The following PTBP3 variants were observed in gnomAD, a reference collection of about 807,000 sequenced individuals.
The protein encoded by PTBP3 is polypyrimidine tract binding protein 3.
Under a neutral mutation model 58.7 loss-of-function variants are expected in PTBP3, and 20 were observed. The observed-to-expected ratio is 0.34, with a 90% CI of 0.24 to 0.50. PTBP3 has a LOEUF of 0.50. Ranked by LOEUF, PTBP3 falls within the 20% of genes least tolerant of loss-of-function variation. The probability of loss-of-function intolerance (pLI) is 0.98; values close to 1 mark genes in which losing one functional copy is unlikely to be tolerated. For synonymous variants in PTBP3, 185 were observed against 219.8 expected, an observed-to-expected ratio of 0.84 and a Z score of 1.40; for missense variants, 509 against 637.2, an observed-to-expected ratio of 0.80 and a Z score of 2.17.
chr9:112,300,836 C>T (rs1456518638), intron 1 of PTBP3, among the ~76,000 whole-genome samples: 1 of 152,032 alleles, frequency 6.6e-6, no homozygotes, highest in South Asian at 2.1e-4. Context: ...GTGGCTCACA[C>T]CTGTATTCCC....
chr9:112,247,552 CAA>C (rs55882131), intron 7 of PTBP3, among the ~76,000 whole-genome samples: 177 of 138,018 alleles, frequency 1.3e-3, no homozygotes, highest in Non-Finnish European at 1.9e-3. Context: ...AAAAAAATGA[CAA>C]AAAAAAAAAA....
the PTBP3 span, among the ~76,000 whole-genome samples, chr9:112,350,581 G>A: frequency 5.4e-3 from 817 of 152,080 alleles, 5 homozygotes; most frequent in African/African-American, 0.019. Flanking sequence ...CAAAATTTCC[G>A]GGGAAGATGG....
intron 7 of PTBP3, among the ~76,000 whole-genome samples, chr9:112,244,658 ACTGAGCAAAACC>A (rs1409800000): frequency 4.1e-4 from 62 of 152,132 alleles, no homozygotes; most frequent in African/African-American, 1.3e-3. Flanking sequence ...AGCCTAGGCG[ACTGAGCAAAACC>A]CTGTCTCAAA....
At chr9:112,376,256 T>TTG in the PTBP3 span, among the ~76,000 whole-genome samples, 1 of 134,334 alleles carries the variant, frequency 7.4e-6, no homozygotes, top group Non-Finnish European at 1.6e-5. Context: ...TATTAAGTTT[T>TTG]TTTTTTTTTT....
At chr9:112,355,722 G>T in the PTBP3 span, among the ~76,000 whole-genome samples, 6 of 151,534 alleles carry the variant, frequency 4.0e-5, no homozygotes, top group Admixed American at 3.9e-4. Flanking sequence ...GACCTCCTGG[G>T]TTCAAGCAAT....
intron 7 of PTBP3, among the ~76,000 whole-genome samples, chr9:112,246,315 T>C (rs1835874709): frequency 6.6e-6 from 1 of 151,892 alleles, no homozygotes; most frequent in South Asian, 2.1e-4. Flanking sequence ...AAATGCTAGC[T>C]AATAAAGGTA....
At chr9:112,243,333 G>A (rs1240663950) in intron 7 of PTBP3, among the ~76,000 whole-genome samples, 1 of 152,104 alleles carries the variant, frequency 6.6e-6, no homozygotes, top group South Asian at 2.1e-4. Context: ...TTGAGGTGAG[G>A]CATTTGAGAC....
chr9:112,352,816 CTTT>C, the PTBP3 span, among the ~76,000 whole-genome samples: 2 of 152,054 alleles, frequency 1.3e-5, no homozygotes, highest in East Asian at 3.8e-4. Flanking sequence ...GTTGAAATTT[CTTT>C]TTTGGTTCTG....
chr9:112,300,871 G>C (rs1453573796), intron 1 of PTBP3, among the ~76,000 whole-genome samples: 2 of 152,158 alleles, frequency 1.3e-5, no homozygotes, highest in Non-Finnish European at 2.9e-5. Flanking sequence ...CAAGGAGGGA[G>C]GATCACTTGA....
intron 7 of PTBP3, among the ~76,000 whole-genome samples, chr9:112,249,538 T>G (rs1406938936): frequency 6.6e-6 from 1 of 152,100 alleles, no homozygotes; most frequent in African/African-American, 2.4e-5. Context: ...TAGAGAAACT[T>G]TCACACAATA....
chr9:112,376,702 G>C, the PTBP3 span, among the ~76,000 whole-genome samples: 1 of 152,132 alleles, frequency 6.6e-6, no homozygotes, highest in Admixed American at 6.5e-5. Context: ...AAGGATGTAG[G>C]CTGGGAGGCT....
chr9:112,293,334 T>C (rs1240404930), intron 2 of PTBP3, among the ~76,000 whole-genome samples: 1 of 152,216 alleles, frequency 6.6e-6, no homozygotes, highest in African/African-American at 2.4e-5. Context: ...CATAATGTTA[T>C]GGTAACAGTA....
chr9:112,312,485 T>G (rs1439583748), intron 1 of PTBP3, among the ~76,000 whole-genome samples: 16 of 52,218 alleles, frequency 3.1e-4, no homozygotes, highest in African/African-American at 1.2e-3. Flanking sequence ...TGTTTTTTTT[T>G]TTGTTTTTTT....
chr9:112,318,866 G>A (rs1384142012), intron 1 of PTBP3, among the ~76,000 whole-genome samples: 2 of 151,358 alleles, frequency 1.3e-5, no homozygotes, highest in Non-Finnish European at 2.9e-5. Flanking sequence ...AGTGGCTCAC[G>A]CCTGTAATCC....
chr9:112,374,575 A>G, the PTBP3 span, among the ~76,000 whole-genome samples: 1 of 152,248 alleles, frequency 6.6e-6, no homozygotes, highest in Non-Finnish European at 1.5e-5. Flanking sequence ...TGACATCAAA[A>G]GGCCATTCCA....
chr9:112,227,748 G>A (rs1429584355), intron 11 of PTBP3, 121 bp from the exon 12 acceptor site: 6 of 751,906 alleles, frequency 8.0e-6, no homozygotes, highest in Non-Finnish European at 1.3e-5. Context: ...TCAGTTTGAG[G>A]GTGAAAAGGG....
intron 3 of PTBP3, among the ~76,000 whole-genome samples, chr9:112,273,626 T>TA (rs1374722703): frequency 2.6e-5 from 4 of 152,204 alleles, no homozygotes; most frequent in African/African-American, 7.2e-5. Flanking sequence ...TGCTTCCACT[T>TA]AGAGTCCAGT....
chr9:112,364,345 T>C, the PTBP3 span, among the ~76,000 whole-genome samples: 1 of 152,098 alleles, frequency 6.6e-6, no homozygotes, highest in South Asian at 2.1e-4. Flanking sequence ...ACTAACCTTT[T>C]ATAAGTATTT....
intron 1 of PTBP3, among the ~76,000 whole-genome samples, chr9:112,332,047 T>A (rs976408162): frequency 1.1e-5 from 1 of 89,918 alleles, no homozygotes; most frequent in African/African-American, 5.1e-5. Context: ...TTTCAACATA[T>A]AAAATGCAAC....
Sources: allele counts gnomAD v4.1 joint callset (sites outside exome capture counted in the v4.1 genomes callset), GRCh38; gene constraint gnomAD v4.1.1; transcripts MANE v1.5; gene names NCBI Gene and HGNC (gene_info 2026-07-23, HGNC 2026-07-21).